Variants in TFEB observed in about 807,000 individuals in gnomAD.
TFEB encodes the protein transcription factor EB.
In TFEB, 12 loss-of-function variants were observed where a neutral mutation model predicts 48.0. That is an observed-to-expected ratio of 0.25 (90% confidence interval 0.16 to 0.40). The LOEUF (loss-of-function observed/expected upper bound fraction) is 0.40, where lower values mean the gene tolerates loss of function less well. Ranked by LOEUF, TFEB falls within the 10% of genes least tolerant of loss-of-function variation. The pLI, the probability that TFEB is intolerant of heterozygous loss-of-function variation, is 1.00. For missense variants in TFEB, 509 were observed against 640.3 expected (o/e 0.79, Z 2.21); for synonymous variants, 244 against 261.4 (o/e 0.93, Z 0.64).
intron 1 of TFEB, among the ~76,000 whole-genome samples, chr6:41,710,330 T>C (rs1352930227): frequency 1.3e-5 from 2 of 151,978 alleles, no homozygotes; most frequent in Non-Finnish European, 2.9e-5. Context: ...CAAGTCCAAC[T>C]CCACCCAACT....
chr6:41,711,760 C>A (rs1447514469), intron 1 of TFEB, among the ~76,000 whole-genome samples: 1 of 152,198 alleles, frequency 6.6e-6, no homozygotes, highest in African/African-American at 2.4e-5. Flanking sequence ...AAACACAGGG[C>A]AGGCCCCAAA....
intron 1 of TFEB, among the ~76,000 whole-genome samples, chr6:41,698,096 G>A (rs1350883102): frequency 6.6e-6 from 1 of 152,174 alleles, no homozygotes. Flanking sequence ...TGTGTGCTAG[G>A]TACTGTTCAA....
Position 41,730,536 on chromosome 6 carries a change from T to C in TFEB, c.-23+4814A>G, listed in dbSNP as rs1301085077. On this transcript the variant is annotated intron_variant, in intron 1 of 8. Transcript: ENST00000373033. The surrounding 1 kb of genome is among the most constrained non-coding windows in gnomAD (Gnocchi z 4.1). ...ACAAAAGATGGGTGGCCAGACCTCA[T>C]TTTTCCTCCTTAAGCCCACACTTAA... is the stretch of plus-strand genomic sequence containing the variant. Among the ~76,000 whole-genome samples the C allele has an allele frequency of 6.6e-6, 1 of 152,114 alleles. No individual in the cohort carries two copies. Among genetic ancestry groups the C allele is most frequent in the Admixed American group, 6.5e-5 (1 of 15,274 alleles).
intron 1 of TFEB, among the ~76,000 whole-genome samples, chr6:41,716,236 C>T (rs1004011967): frequency 5.3e-5 from 8 of 152,198 alleles, no homozygotes; most frequent in Admixed American, 2.6e-4. Context: ...AGGAAAGAGC[C>T]GAGCTAGGAT....
chr6:41,684,764 G>C lies in TFEB; in HGVS notation c.1266C>G (p.Gly422=), dbSNP rs1038735004. The part of the protein sequence containing the change: ...GYPEPLAPGH[G]SPFPSLSKKD... ...TCTTGGACAGGCTGGGGAATGGGGA[G>C]CCATGCCCCGGCGCCAGGGGTTCGG... The change falls in exon 9 of 9, where the codon GGC becomes GGG. Residue 422 remains glycine (G), a synonymous_variant. Transcript: ENST00000373033. 2 of 1,612,418 alleles carry C rather than the reference G, an allele frequency of 1.2e-6. No individual in the cohort carries two copies. The highest frequency in any genetic ancestry group is 1.7e-6 in the Non-Finnish European group (2 of 1,179,406).
chr6:41,723,352 C>A lies in TFEB; in HGVS notation c.-23+11998G>T. 1.4e-6 allele frequency: 1 copy of A among 693,598 alleles called. No individual in the cohort carries two copies. Among genetic ancestry groups the A allele is most frequent in the Non-Finnish European group, 2.2e-6 (1 of 448,684 alleles). 43.0% of individuals were successfully genotyped at this position (693,598 alleles called of 1,614,324 possible). On this transcript the variant is annotated intron_variant, in intron 1 of 8. Coordinates refer to ENST00000373033, the MANE Select transcript of TFEB (RefSeq NM_001271944.2). This position sits in a 1 kb window ranked among gnomAD's most constrained non-coding sequence, Gnocchi z 6.0. ...CCTCCCCAAAGACACCACACGCATG[C>A]ACATACACTCACACAGATGCACACA...
In TFEB at chr6:41,712,413, C is replaced by G. The variant is rs192087185; in HGVS notation, c.-22-21178G>C. ...TGACGAGACCAGTAAGGGGCTCAGC[C>G]ACAGCTCTGGGCTCCAACCCCGGCT... is the stretch of plus-strand genomic sequence containing the variant. On this transcript the variant is annotated intron_variant, in intron 1 of 8. Transcript: ENST00000373033. 1.1e-4 allele frequency among the ~76,000 whole-genome samples: 17 copies of G among 152,306 alleles called. No individual in the cohort carries two copies. The East Asian group carries it at 3.3e-3, about 29-fold the overall frequency.
chr6:41,703,972 G>A (rs1172074000), intron 1 of TFEB, among the ~76,000 whole-genome samples: 1 of 152,204 alleles, frequency 6.6e-6, no homozygotes, highest in African/African-American at 2.4e-5. Context: ...GGGTGCCCCT[G>A]TGGAGAGTCT....
chr6:41,731,531 G>A (rs1217345019), intron 1 of TFEB, among the ~76,000 whole-genome samples: 3 of 151,818 alleles, frequency 2.0e-5, no homozygotes, highest in Admixed American at 6.6e-5. Context: ...CTTTGGCAAA[G>A]ATTTGTAGAA....
At position 41,685,092 on chromosome 6, in the gene TFEB, G is replaced by C; in HGVS notation, c.952-14C>G. 2 of 1,435,302 alleles carry C rather than the reference G, an allele frequency of 1.4e-6. No homozygotes were observed. Among genetic ancestry groups the C allele is most frequent in the Non-Finnish European group, 1.8e-6 (2 of 1,090,862 alleles). The allele number at this position is 1,435,302 out of a possible 1,614,324, so 88.9% of individuals were successfully genotyped here. A position where few individuals can be genotyped will look rare whatever the true frequency, so the allele number is the denominator to read the frequency against. The stretch of plus-strand genomic sequence containing the variant: ...CATCTCCAGCTCCTGCAGGGGAGCA[G>C]ACAGAAGGCTGGGGAACACACCTAT... On this transcript the variant is annotated splice_polypyrimidine_tract_variant and intron_variant, in intron 8 of 8. Transcript: ENST00000373033.
At position 41,684,014 on chromosome 6, in the gene TFEB, G is replaced by A; in HGVS notation, c.*585C>T. ...GTGTTTACTAAAGGCACAAAGTGAG[G>A]GGTCGGAGGGCAGCTGCTCTTCCGG... On this transcript the variant is annotated 3_prime_UTR_variant, in exon 9 of 9. Coordinates refer to ENST00000373033, the MANE Select transcript of TFEB (RefSeq NM_001271944.2). 4.5e-6 allele frequency: 1 copy of A among 224,420 alleles called. No homozygotes were observed. Among genetic ancestry groups the A allele is most frequent in the Non-Finnish European group, 8.9e-6 (1 of 112,230 alleles). The allele number at this position is 224,420 out of a possible 1,614,324, so 13.9% of individuals were successfully genotyped here.
chr6:41,689,847 C>A (rs376930014), intron 3 of TFEB, 36 bp from the exon 4 acceptor site: 243 of 1,575,026 alleles, frequency 1.5e-4, no homozygotes, highest in Middle Eastern at 3.3e-4. Context: ...GGAGGGCCCA[C>A]CACGAGGTGG....
At chr6:41,718,211 T>A (rs1770820146) in intron 1 of TFEB, among the ~76,000 whole-genome samples, 1 of 152,186 alleles carries the variant, frequency 6.6e-6, no homozygotes, top group South Asian at 2.1e-4. Context: ...TTATTTTGTT[T>A]GTTTGTTTGT....
At chr6:41,687,660 C>T in intron 6 of TFEB, 93 bp downstream of exon 6, 1 of 1,535,164 alleles carries the variant, frequency 6.5e-7, no homozygotes, top group Non-Finnish European at 9.0e-7. Flanking sequence ...GCAGGGAAGC[C>T]TTCCACCAGT....
intron 1 of TFEB, among the ~76,000 whole-genome samples, chr6:41,702,640 C>T (rs1210800726): frequency 2.6e-5 from 4 of 152,202 alleles, no homozygotes; most frequent in Admixed American, 2.6e-4. Flanking sequence ...AATGAGGTCC[C>T]TCCCCAGGGA....
chr6:41,690,276 G>T (rs993801506), intron 3 of TFEB, among the ~76,000 whole-genome samples: 2 of 151,982 alleles, frequency 1.3e-5, no homozygotes, highest in Non-Finnish European at 2.9e-5. Flanking sequence ...GATTACAGGC[G>T]TGCACCACCA....
chr6:41,689,847 C>T (rs376930014), intron 3 of TFEB, 36 bp from the exon 4 acceptor site: 1 of 1,575,146 alleles, frequency 6.3e-7, no homozygotes. Flanking sequence ...GGAGGGCCCA[C>T]CACGAGGTGG....
At chr6:41,693,490 G>A (rs1484727893) in intron 1 of TFEB, among the ~76,000 whole-genome samples, 6 of 152,120 alleles carry the variant, frequency 3.9e-5, no homozygotes, top group African/African-American at 1.4e-4. Context: ...CTGAGCCCAT[G>A]CTGGGGAGGA....
Position 41,689,791 on chromosome 6 carries a change from G to A in TFEB, c.489C>T (p.Asn163=). 1 of 1,613,950 alleles carries A rather than the reference G, an allele frequency of 6.2e-7. No individual in the cohort carries two copies. The change falls in exon 4 of 9, where the codon AAC becomes AAT. Residue 163 remains asparagine (N), a synonymous_variant. Transcript: ENST00000373033. Reference sequence around the variant, plus strand: ...CAAGGACATCGTCCAGACGCATAATGTTGTCAATGACATCATCCAACTGGA... The same window carrying A: ...CAAGGACATCGTCCAGACGCATAATATTGTCAATGACATCATCCAACTGGA... ...PERELDDVID[N]IMRLDDVLGY... is the part of the protein sequence containing the mutation.
Sources: allele counts gnomAD v4.1 joint callset (sites outside exome capture counted in the v4.1 genomes callset), GRCh38; gene constraint gnomAD v4.1.1; non-coding constraint Gnocchi (gnomAD v3.1); transcripts MANE v1.5; gene names NCBI Gene and HGNC (gene_info 2026-07-23, HGNC 2026-07-21).